The following COLEC12 variants were observed in gnomAD, a reference collection of about 807,000 sequenced individuals.
COLEC12 encodes the protein collectin subfamily member 12.
COLEC12 carries 33 observed loss-of-function variants against 71.1 expected under a neutral mutation model. The observed-to-expected ratio is 0.46, with a 90% CI of 0.35 to 0.62. The LOEUF (loss-of-function observed/expected upper bound fraction) is 0.62. COLEC12 is among the 20% of genes least tolerant of loss of function. COLEC12 has a pLI of 0.00. For missense variants in COLEC12, 765 were observed against 916.1 expected (o/e 0.84, Z 2.13); for synonymous variants, 350 against 353.0 (o/e 0.99, Z 0.10).
intron 1 of COLEC12, among the ~76,000 whole-genome samples, chr18:493,914 A>T (rs934053600): frequency 1.3e-5 from 2 of 152,222 alleles, no homozygotes; most frequent in Admixed American, 6.5e-5. Flanking sequence ...TTACTGGATA[A>T]AACCGGACAC....
chr18:478,791 T>C (rs1440083559), intron 2 of COLEC12, among the ~76,000 whole-genome samples: 1 of 152,034 alleles, frequency 6.6e-6, no homozygotes, highest in Non-Finnish European at 1.5e-5. Context: ...TTTAATTTCG[T>C]CCTTCTCTTC....
intron 3 of COLEC12, among the ~76,000 whole-genome samples, chr18:354,177 C>A (rs1914580268): frequency 6.6e-6 from 1 of 152,178 alleles, no homozygotes; most frequent in African/African-American, 2.4e-5. Flanking sequence ...GCTATGGAAG[C>A]TCTGTTGACT....
chr18:378,787 T>A (rs1915168744), intron 2 of COLEC12, among the ~76,000 whole-genome samples: 1 of 152,194 alleles, frequency 6.6e-6, no homozygotes. Flanking sequence ...TTTCCCCTTT[T>A]CCTTTCTATT....
At chr18:495,574 C>G (rs576108174) in intron 1 of COLEC12, among the ~76,000 whole-genome samples, 3 of 152,334 alleles carry the variant, frequency 2.0e-5, no homozygotes, top group East Asian at 1.9e-4. Context: ...TTTGCAACAG[C>G]TCCAGTTTAG....
chr18:489,384 A>C (rs1481421789), intron 1 of COLEC12, among the ~76,000 whole-genome samples: 1 of 152,178 alleles, frequency 6.6e-6, no homozygotes, highest in Non-Finnish European at 1.5e-5. Flanking sequence ...TGGAGAATGC[A>C]CTGCACTAAA....
intron 2 of COLEC12, among the ~76,000 whole-genome samples, chr18:456,785 T>A (rs956838533): frequency 2.0e-5 from 3 of 152,200 alleles, no homozygotes; most frequent in Admixed American, 2.0e-4. Context: ...CTCGCTATTT[T>A]GAGTCTGGAG....
At chr18:425,251 C>T (rs1598359252) in intron 2 of COLEC12, among the ~76,000 whole-genome samples, 1 of 152,170 alleles carries the variant, frequency 6.6e-6, no homozygotes, top group African/African-American at 2.4e-5. Flanking sequence ...TCTCTTGCAC[C>T]AGCCTTGTTG....
intron 2 of COLEC12, among the ~76,000 whole-genome samples, chr18:374,304 A>G (rs891729757): frequency 2.0e-5 from 3 of 152,214 alleles, no homozygotes; most frequent in Admixed American, 1.3e-4. Flanking sequence ...GACTTTTAAT[A>G]TTAGGGAATT....
rs900713160 is a variant in COLEC12 at position 317,053 on chromosome 18, GTC to G, written c.*2990_*2991del. ...AGCCTGGCCAAAATGGCGAAACCGT[GTC>G]TCTACTAAAAACACAAAAATTAGCC... On this transcript the variant is annotated 3_prime_UTR_variant, in exon 10 of 10. Coordinates refer to ENST00000400256, the MANE Select transcript of COLEC12 (RefSeq NM_130386.3). 7 of 152,226 alleles carry G rather than the reference GTC, an allele frequency of 4.6e-5. No homozygotes were observed. Among genetic ancestry groups the G allele is most frequent in the African/African-American group, 1.7e-4 (7 of 41,428 alleles). The allele number at this position is 152,226 out of a possible 1,614,324, so 9.4% of individuals were successfully genotyped here. A position where few individuals can be genotyped will look rare whatever the true frequency, so the allele number is the denominator to read the frequency against.
At chr18:405,840 C>A (rs568898313) in intron 2 of COLEC12, among the ~76,000 whole-genome samples, 5 of 152,026 alleles carry the variant, frequency 3.3e-5, no homozygotes, top group Non-Finnish European at 7.4e-5. Context: ...TGCTTGCCCA[C>A]TGTGTCAGAG....
intron 6 of COLEC12, chr18:333,739 A>G (rs11081025): frequency 0.51 from 77,886 of 152,178 alleles, 20,924 homozygotes; most frequent in East Asian, 0.9. Context: ...GGTTCCATCC[A>G]CATGTTGATG....
rs545332416 is a variant in COLEC12, at chr18:446,760, C to T, written c.58+33947G>A. On this transcript the variant is annotated intron_variant, in intron 2 of 9. Coordinates refer to ENST00000400256, the MANE Select transcript of COLEC12 (RefSeq NM_130386.3). ...TACAATTAGCATTTTCTCAGCCTTT[C>T]ATATTTATAACTGAGCACCCCTAAA... Among the ~76,000 whole-genome samples, 6 of 152,172 alleles carry T rather than the reference C, an allele frequency of 3.9e-5. No individual in the cohort carries two copies. In the East Asian group the frequency reaches 1.2e-3, roughly 29 times the overall value.
intron 2 of COLEC12, among the ~76,000 whole-genome samples, chr18:417,733 T>C (rs1916015978): frequency 6.6e-6 from 1 of 152,142 alleles, no homozygotes; most frequent in Non-Finnish European, 1.5e-5. Flanking sequence ...TGTCAGCAAG[T>C]TCCAAGAAAC....
intron 2 of COLEC12, among the ~76,000 whole-genome samples, chr18:421,249 C>A (rs947631449): frequency 6.6e-6 from 1 of 152,102 alleles, no homozygotes; most frequent in Non-Finnish European, 1.5e-5. Flanking sequence ...TACTAATAGC[C>A]CATGTTAATA....
intron 2 of COLEC12, among the ~76,000 whole-genome samples, chr18:450,895 T>G (rs543965542): frequency 2.7e-5 from 4 of 149,170 alleles, no homozygotes; most frequent in Admixed American, 6.7e-5. Flanking sequence ...AGGAATTTAT[T>G]GGGAACTGGA....
At chr18:444,947 T>A (rs953892031) in intron 2 of COLEC12, among the ~76,000 whole-genome samples, 2 of 152,194 alleles carry the variant, frequency 1.3e-5, no homozygotes, top group African/African-American at 2.4e-5. Flanking sequence ...TTACGTTTCA[T>A]GTTTTAAGCT....
chr18:435,652 G>T (rs1353344951), intron 2 of COLEC12, among the ~76,000 whole-genome samples: 1 of 151,978 alleles, frequency 6.6e-6, no homozygotes, highest in Non-Finnish European at 1.5e-5. Flanking sequence ...CTTTTTATAC[G>T]CTGGCTTTTT....
At chr18:409,270 G>A (rs544520667) in intron 2 of COLEC12, among the ~76,000 whole-genome samples, 1 of 152,374 alleles carries the variant, frequency 6.6e-6, no homozygotes, top group Non-Finnish European at 1.5e-5. Context: ...GCCGGGCGTG[G>A]TGGCTCACGC....
intron 5 of COLEC12, among the ~76,000 whole-genome samples, chr18:345,612 C>T (rs1156362003): frequency 2.0e-5 from 3 of 152,338 alleles, no homozygotes; most frequent in African/African-American, 7.2e-5. Context: ...CTACTCATGA[C>T]ATGTAACTCC....
Sources: allele counts gnomAD v4.1 joint callset (sites outside exome capture counted in the v4.1 genomes callset), GRCh38; gene constraint gnomAD v4.1.1; transcripts MANE v1.5; gene names NCBI Gene and HGNC (gene_info 2026-07-23, HGNC 2026-07-21).